The following RIMS2 variants were observed in gnomAD, a reference collection of about 807,000 sequenced individuals.
The protein encoded by RIMS2 is regulating synaptic membrane exocytosis protein 2.
Under a neutral mutation model 174.4 loss-of-function variants are expected in RIMS2, and 59 were observed. The ratio of observed to expected loss-of-function variants is 0.34; its 90% confidence interval spans 0.27 to 0.42. RIMS2 has a LOEUF of 0.42. RIMS2 is among the 10% of genes least tolerant of loss of function. The pLI is 1.00. For synonymous variants in RIMS2, 606 were observed against 572.5 expected, an observed-to-expected ratio of 1.06 and a Z score of -0.84; for missense variants, 1,620 against 1,666.3, an observed-to-expected ratio of 0.97 and a Z score of 0.48.
chr8:103,913,974 C>T (rs527625263), intron 6 of RIMS2, among the ~76,000 whole-genome samples: 1 of 152,262 alleles, frequency 6.6e-6, no homozygotes, highest in East Asian at 1.9e-4. Flanking sequence ...TGTGTGGCAT[C>T]CATGTGCTTG....
chr8:103,876,911 C>CACAT (rs1554922614), intron 3 of RIMS2, among the ~76,000 whole-genome samples: 11 of 45,580 alleles, frequency 2.4e-4, no homozygotes, highest in South Asian at 2.0e-3. Flanking sequence ...TATATATATA[C>CACAT]ACACACACCC....
chr8:104,003,901 A>T (rs2095480033), intron 17 of RIMS2, among the ~76,000 whole-genome samples: 1 of 152,210 alleles, frequency 6.6e-6, no homozygotes, highest in African/African-American at 2.4e-5. Flanking sequence ...CATGTAGTAG[A>T]TGGAAGAACA....
chr8:103,981,986 G>A (rs948037972), intron 16 of RIMS2, among the ~76,000 whole-genome samples: 3 of 151,898 alleles, frequency 2.0e-5, no homozygotes, highest in Non-Finnish European at 2.9e-5. Flanking sequence ...TTAAAGATAA[G>A]CAAAGTTGAC....
chr8:104,160,886 A>G (rs1376502292), intron 19 of RIMS2, among the ~76,000 whole-genome samples: 1 of 152,182 alleles, frequency 6.6e-6, no homozygotes, highest in East Asian at 1.9e-4. Context: ...AAGGTGGAAC[A>G]TCATGAGGAT....
At chr8:103,559,372 G>T in intron 1 of RIMS2, 1 of 304,070 alleles carries the variant, frequency 3.3e-6, no homozygotes. Context: ...TCTCGGAGCT[G>T]GTGTCCACGG....
chr8:104,083,656 A>T (rs572644277), intron 19 of RIMS2, among the ~76,000 whole-genome samples: 2 of 152,214 alleles, frequency 1.3e-5, no homozygotes, highest in Non-Finnish European at 2.9e-5. Context: ...TAATAAAAAC[A>T]TAAGGGCTTT....
At chr8:104,004,487 T>C (rs894160885) in intron 17 of RIMS2, among the ~76,000 whole-genome samples, 2 of 150,820 alleles carry the variant, frequency 1.3e-5, no homozygotes, top group Admixed American at 6.6e-5. Context: ...TGACTTTAGC[T>C]GGGGTAATTT....
At chr8:104,091,651 T>C (rs2129893532) in intron 19 of RIMS2, among the ~76,000 whole-genome samples, 1 of 150,268 alleles carries the variant, frequency 6.7e-6, no homozygotes, top group African/African-American at 2.4e-5. Flanking sequence ...AGTGTACATA[T>C]TATATATATT....
At chr8:103,842,358 G>T (rs2154487446) in intron 3 of RIMS2, among the ~76,000 whole-genome samples, 1 of 152,118 alleles carries the variant, frequency 6.6e-6, no homozygotes, top group East Asian at 1.9e-4. Context: ...AATGTTAACA[G>T]CAATTGCTTT....
At chr8:103,506,952 C>T (rs933694039) in intron 1 of RIMS2, among the ~76,000 whole-genome samples, 3 of 152,102 alleles carry the variant, frequency 2.0e-5, no homozygotes, top group Non-Finnish European at 4.4e-5. Context: ...AGGGGACTTA[C>T]TTGTGGAAAC....
rs183582502 is a variant in RIMS2, at chr8:104,192,266, T to C, written c.3335-52650T>C. Among the ~76,000 whole-genome samples the C allele has an allele frequency of 1.9e-3, 289 of 152,258 alleles. 1 individual carries two copies. The highest frequency in any genetic ancestry group is 6.4e-3 in the African/African-American group (268 of 41,562). On this transcript the variant is annotated intron_variant, in intron 19 of 23. Coordinates refer to ENST00000504942, the Ensembl canonical transcript of RIMS2. ...CTGAGTGATATACTTTAAAAATGCA[T>C]GCTTTGTGAAACTGATAGGTAGAGT...
At chr8:104,006,372 G>T (rs2095576189) in intron 17 of RIMS2, among the ~76,000 whole-genome samples, 1 of 152,012 alleles carries the variant, frequency 6.6e-6, no homozygotes, top group African/African-American at 2.4e-5. Context: ...CCAACATGGA[G>T]AAACCCTATC....
At chr8:103,509,581 AT>A (rs1201522851) in intron 1 of RIMS2, among the ~76,000 whole-genome samples, 2 of 152,146 alleles carry the variant, frequency 1.3e-5, no homozygotes, top group East Asian at 3.8e-4. Flanking sequence ...GCATCTTTAT[AT>A]TAGCTTACTG....
chr8:103,948,210 G>A (rs2084321555), intron 14 of RIMS2, among the ~76,000 whole-genome samples: 1 of 152,186 alleles, frequency 6.6e-6, no homozygotes, highest in South Asian at 2.1e-4. Context: ...AGAATGTGGA[G>A]AAATTGGAAC....
chr8:103,659,822 T>C (rs1323322390), intron 1 of RIMS2, among the ~76,000 whole-genome samples: 1 of 152,190 alleles, frequency 6.6e-6, no homozygotes, highest in Non-Finnish European at 1.5e-5. Context: ...TTCACTGAGA[T>C]TGGCAGTGGC....
intron 3 of RIMS2, among the ~76,000 whole-genome samples, chr8:103,803,420 T>G (rs2154457331): frequency 6.6e-6 from 1 of 152,320 alleles, no homozygotes; most frequent in African/African-American, 2.4e-5. Flanking sequence ...CCTCAAAGAA[T>G]TTTTGTTTAT....
intron 14 of RIMS2, among the ~76,000 whole-genome samples, chr8:103,949,616 T>A (rs2023029): frequency 0.69 from 104,651 of 152,042 alleles, 36,943 homozygotes; most frequent in African/African-American, 0.77. Context: ...AATGTATCGA[T>A]ATTCATGGGA....
intron 19 of RIMS2, among the ~76,000 whole-genome samples, chr8:104,122,913 T>A (rs1170479554): frequency 6.6e-6 from 1 of 152,134 alleles, no homozygotes; most frequent in African/African-American, 2.4e-5. Flanking sequence ...CTTCTCAGAA[T>A]CCCAAGAAAT....
intron 3 of RIMS2, among the ~76,000 whole-genome samples, chr8:103,845,814 G>C (rs554761303): frequency 5.9e-5 from 9 of 152,126 alleles, no homozygotes; most frequent in African/African-American, 2.2e-4. Flanking sequence ...GAAGATCAAA[G>C]GCAGCTATTT....
Sources: gnomAD v4.1 joint callset for allele counts (sites outside exome capture counted in the v4.1 genomes callset) on GRCh38, gnomAD v4.1.1 for gene constraint, MANE v1.5 for transcripts, NCBI Gene and HGNC (gene_info 2026-07-23, HGNC 2026-07-21) for gene names.